The following OCEL1 variants were observed in gnomAD, a reference collection of about 807,000 sequenced individuals.
OCEL1 encodes occludin/ELL domain-containing protein 1.
In OCEL1, 24 loss-of-function variants were observed where a neutral mutation model predicts 29.4. That is an observed-to-expected ratio of 0.82 (90% confidence interval 0.59 to 1.15). The LOEUF (loss-of-function observed/expected upper bound fraction) is 1.15, where lower values mean the gene tolerates loss of function less well. OCEL1 is among the 50% of genes most tolerant of loss of function. OCEL1 has a pLI of 0.00. For missense variants in OCEL1, 402 were observed against 352.5 expected (o/e 1.14, Z -1.13); for synonymous variants, 172 against 145.3 (o/e 1.18, Z -1.32).
Position 17,228,887 on chromosome 19 carries a change from G to T in OCEL1, c.757G>T (p.Asp253Tyr). The change falls in exon 6 of 6, where the codon GAT (aspartate) becomes TAT (tyrosine). Residue 253 changes from aspartate to tyrosine, a missense_variant. Physicochemically the swap from Asp to Tyr is radical, Grantham distance 160. Transcript: ENST00000215061. ...TCTCAAGACTCAGATCCAGAAATTC[G>T]ATGACCAAGGAGACAGCGAGGGCTC... Reference protein sequence around the residue: ...RHLKTQIQKFDDQGDSEGSVY... With the variant: ...RHLKTQIQKFYDQGDSEGSVY... The T allele has an allele frequency of 6.2e-7, 1 of 1,613,660 alleles. No homozygotes were observed.
chr19:17,228,111 G>T (rs949744005), intron 4 of OCEL1, 106 bp downstream of exon 4: 9 of 1,542,340 alleles, frequency 5.8e-6, no homozygotes, highest in South Asian at 1.2e-5. Flanking sequence ...TTCTCCTCTC[G>T]GTTGGCTGGG....
Position 17,229,080 on chromosome 19 carries a change from C to T in OCEL1, c.*155C>T, listed in dbSNP as rs200134355. 231 of 807,606 alleles carry T rather than the reference C, an allele frequency of 2.9e-4. 1 individual carries two copies. The East Asian group carries it at 6.6e-3, about 23-fold the overall frequency. 50.0% of individuals were successfully genotyped at this position (807,606 alleles called of 1,614,324 possible). On this transcript the variant is annotated 3_prime_UTR_variant, in exon 6 of 6. Transcript: ENST00000215061. ...CAGTTTGGACTCAGCTCTGACAGCC[C>T]CTCCTCCAGGAAGGCCTTCCAGGAC...
chr19:17,229,183 C>T lies in OCEL1; in HGVS notation c.*258C>T. 3.0e-6 allele frequency: 1 copy of T among 338,406 alleles called. No homozygotes were observed. Among genetic ancestry groups the T allele is most frequent in the Non-Finnish European group, 5.6e-6 (1 of 178,192 alleles). The allele number at this position is 338,406 out of a possible 1,614,324, so 21.0% of individuals were successfully genotyped here. ...CTGTTCCCTGGAAGTAGGGCCTGCT[C>T]TCCATCCCAGTGAAATAAACATGTA... On this transcript the variant is annotated 3_prime_UTR_variant, in exon 6 of 6. Coordinates refer to ENST00000215061, the MANE Select transcript of OCEL1 (RefSeq NM_024578.3).
rs775473545 is a variant in OCEL1 at position 17,227,002 on chromosome 19, A to T, written c.255A>T (p.Gly85=). 1 of 1,583,498 alleles carries T rather than the reference A, an allele frequency of 6.3e-7. No homozygotes were observed. Among genetic ancestry groups the T allele is most frequent in the South Asian group, 1.2e-5 (1 of 86,806 alleles). ...CACGATTCCTGTGGCAGCTGCAGGG[A>T]CTGGCGCCCCGAGGCCTCAAAACCA... The part of the protein sequence containing the change: ...HPPGPGPPLQ[G]LAPRGLKTSA... The change falls in exon 3 of 6, where the codon GGA becomes GGT. Residue 85 remains glycine, a synonymous_variant. Transcript: ENST00000215061.
At position 17,226,537 on chromosome 19, in the gene OCEL1, G is replaced by A. The variant is rs986451904; in HGVS notation, c.70-156G>A. Reference sequence around the variant, plus strand: ...CAGTCGTGGGCGGGGTCTGGACGTCGCTGCGGACCAATCGCGTGCGTCTAT... The same window carrying A: ...CAGTCGTGGGCGGGGTCTGGACGTCACTGCGGACCAATCGCGTGCGTCTAT... On this transcript the variant is annotated intron_variant, in intron 1 of 5. Coordinates refer to ENST00000215061, the MANE Select transcript of OCEL1 (RefSeq NM_024578.3). The A allele has an allele frequency of 1.2e-5, 11 of 946,256 alleles. No individual in the cohort carries two copies. The South Asian group carries it at 1.7e-4, about 15-fold the overall frequency. 58.6% of individuals were successfully genotyped at this position (946,256 alleles called of 1,614,324 possible). A position where few individuals can be genotyped will look rare whatever the true frequency, so the allele number is the denominator to read the frequency against.
rs949411495 is a variant in OCEL1 at position 17,229,079 on chromosome 19, C to T, written c.*154C>T. 1 of 819,412 alleles carries T rather than the reference C, an allele frequency of 1.2e-6. No homozygotes were observed. Among genetic ancestry groups the T allele is most frequent in the South Asian group, 1.8e-5 (1 of 55,534 alleles). The allele number at this position is 819,412 out of a possible 1,614,324, so 50.8% of individuals were successfully genotyped here. A position where few individuals can be genotyped will look rare whatever the true frequency, so the allele number is the denominator to read the frequency against. On this transcript the variant is annotated 3_prime_UTR_variant, in exon 6 of 6. Transcript: ENST00000215061. ...TCAGTTTGGACTCAGCTCTGACAGC[C>T]CCTCCTCCAGGAAGGCCTTCCAGGA... is the stretch of plus-strand genomic sequence containing the variant.
chr19:17,228,277 C>T lies in OCEL1; in HGVS notation c.640C>T (p.Arg214Trp), dbSNP rs779250179. 24 of 1,613,914 alleles carry T rather than the reference C, an allele frequency of 1.5e-5. 1 individual carries two copies. The East Asian group carries it at 2.0e-4, about 13-fold the overall frequency. Residue 214 changes from arginine (R) to tryptophan (W), a missense_variant, in exon 5 of 6, where the codon CGG (arginine) becomes TGG (tryptophan). Physicochemically the swap from Arg to Trp is moderately radical, Grantham distance 101. Transcript: ENST00000215061. ...GCAGAAGGAGGCCCAAGTTGCAGCC[C>T]GGGTTTGGAGGGAGTTTGAGATGAA... ...QSQKEAQVAA[R>W]VWREFEMKRM... is the part of the protein sequence containing the mutation.
At chr19:17,226,386 G>A in intron 1 of OCEL1, 70 bp downstream of exon 1, 1 of 1,548,870 alleles carries the variant, frequency 6.5e-7, no homozygotes, top group Non-Finnish European at 8.8e-7. Context: ...CTCCTCGGGC[G>A]CGGTCGTCTG....
chr19:17,227,923 T>C lies in OCEL1; in HGVS notation c.536T>C (p.Leu179Pro). 6.2e-7 allele frequency: 1 copy of C among 1,613,648 alleles called. No homozygotes were observed. The highest frequency in any genetic ancestry group is 8.5e-7 in the Non-Finnish European group (1 of 1,180,008). Residue 179 changes from leucine to proline, a missense_variant, in exon 4 of 6, where the codon CTC becomes CCC. Transcript: ENST00000215061. ...GACCAGTACGGAGAGTTCTTGGAGCTCCAGCACGAGGTGGGGTGTGCACAG... is the reference window on the plus strand; with the variant it reads ...GACCAGTACGGAGAGTTCTTGGAGCCCCAGCACGAGGTGGGGTGTGCACAG... The part of the protein sequence containing the change: ...FQDQYGEFLE[L>P]QHEVGCAQAK...
chr19:17,227,390 G>A (rs1421281525), intron 3 of OCEL1, among the ~76,000 whole-genome samples, 191 bp downstream of exon 3: 1 of 151,446 alleles, frequency 6.6e-6, no homozygotes, highest in Non-Finnish European at 1.5e-5. Flanking sequence ...TCCCGTCTCC[G>A]AAAATAAATA....
intron 1 of OCEL1, 58 bp downstream of exon 1, chr19:17,226,374 A>T (rs952757296): frequency 2.5e-6 from 4 of 1,578,914 alleles, no homozygotes; most frequent in Non-Finnish European, 2.6e-6. Flanking sequence ...GGTCCCGAGG[A>T]GCTCCTCGGG....
Position 17,227,065 on chromosome 19 carries a change from C to T in OCEL1, c.318C>T (p.Pro106=), listed in dbSNP as rs1465758815. ...PRPPCQPQPG[P]HKAKTKKIVF... ...CTCCGTGCCAGCCCCAGCCGGGACC[C>T]CACAAGGCAAAGACCAAGAAGATTG... is the stretch of plus-strand genomic sequence containing the variant. Residue 106 remains proline, a synonymous_variant, in exon 3 of 6, where the codon CCC becomes CCT. Transcript: ENST00000215061. 6.2e-7 allele frequency: 1 copy of T among 1,609,384 alleles called. No individual in the cohort carries two copies. The highest frequency in any genetic ancestry group is 1.7e-5 in the Admixed American group (1 of 58,152).
intron 1 of OCEL1, 51 bp from the exon 2 acceptor site, chr19:17,226,642 C>T: frequency 1.4e-6 from 2 of 1,421,716 alleles, no homozygotes; most frequent in East Asian, 2.6e-5. Flanking sequence ...CCCGCGCGTC[C>T]TTTCTCCGTG....
intron 1 of OCEL1, 141 bp from the exon 2 acceptor site, chr19:17,226,552 C>G (rs1030139755): frequency 1.0e-6 from 1 of 1,001,040 alleles, no homozygotes; most frequent in Admixed American, 2.9e-5. Flanking sequence ...GGACCAATCG[C>G]GTGCGTCTAT....
At position 17,226,825 on chromosome 19, in the gene OCEL1, T is replaced by C; in HGVS notation, c.202T>C (p.Ser68Pro). 3 of 1,581,330 alleles carry C rather than the reference T, an allele frequency of 1.9e-6. No individual in the cohort carries two copies. Among genetic ancestry groups the C allele is most frequent in the Non-Finnish European group, 2.6e-6 (3 of 1,168,616 alleles). The change falls in exon 2 of 6, where the codon TCC becomes CCC. Residue 68 changes from serine to proline, a missense_variant. Physicochemically the swap from Ser to Pro is moderately conservative, Grantham distance 74. Transcript: ENST00000215061. ...CCGGGAGCCCCCAAAGACTCGCGGC[T>C]CCCGGGGGCACCTGCATACTCACCC... ...PTREPPKTRG[S>P]RGHLHTHPPG...
At position 17,227,111 on chromosome 19, in the gene OCEL1, T is replaced by TC. The variant is rs2073369515; in HGVS notation, c.367dup (p.Gln123ProfsTer15). 1 of 1,605,404 alleles carries TC rather than the reference T, an allele frequency of 6.2e-7. No homozygotes were observed. ...GATTGTGTTTGAGGATGAGTTGCTC[T>TC]CCCAGGCCCTCCTGGGCGCCAAGAA... is the stretch of plus-strand genomic sequence containing the variant. On this transcript the variant is annotated frameshift_variant, in exon 3 of 6. Transcript: ENST00000215061. LOFTEE classifies it high-confidence loss of function.
Position 17,226,585 on chromosome 19 carries a change from A to T in OCEL1, c.70-108A>T, listed in dbSNP as rs919734443. ...TATGCAAATAGCGGTCGTTCTGGGG[A>T]ACTCTGCTCCCGCGGGGTGAGAGTT... On this transcript the variant is annotated intron_variant, in intron 1 of 5. Coordinates refer to ENST00000215061, the MANE Select transcript of OCEL1 (RefSeq NM_024578.3). The T allele has an allele frequency of 1.5e-5, 18 of 1,226,156 alleles. No individual in the cohort carries two copies. The South Asian group carries it at 2.5e-4, about 17-fold the overall frequency. The allele number at this position is 1,226,156 out of a possible 1,614,324, so 76.0% of individuals were successfully genotyped here. A position where few individuals can be genotyped will look rare whatever the true frequency, so the allele number is the denominator to read the frequency against.
rs772947729 is a variant in OCEL1 at position 17,227,199 on chromosome 19, T to C, written c.452T>C (p.Leu151Pro). 3 of 1,486,946 alleles carry C rather than the reference T, an allele frequency of 2.0e-6. No individual in the cohort carries two copies. Among genetic ancestry groups the C allele is most frequent in the East Asian group, 2.5e-5 (1 of 39,540 alleles). 92.1% of individuals were successfully genotyped at this position (1,486,946 alleles called of 1,614,324 possible). The change falls in exon 3 of 6, where the codon CTT becomes CCT. Residue 151 changes from leucine to proline, a missense_variant and splice_region_variant. Leu to Pro is a moderately conservative substitution (Grantham distance 98). Transcript: ENST00000215061. The stretch of plus-strand genomic sequence containing the variant: ...CCCCACCCAGTGCCCGACTATGAGC[T>C]GTGAGTGTCCCCCATGTGATTCTTC... ...PRPHPVPDYE[L>P]KYPPVSSERE...
chr19:17,226,601 G>A, intron 1 of OCEL1, 92 bp from the exon 2 acceptor site: 1 of 1,311,096 alleles, frequency 7.6e-7, no homozygotes, highest in Non-Finnish European at 1.0e-6. Context: ...GCTCCCGCGG[G>A]GTGAGAGTTG....
Sources: gnomAD v4.1 joint callset for allele counts (sites outside exome capture counted in the v4.1 genomes callset) on GRCh38, gnomAD v4.1.1 for gene constraint, MANE v1.5 for transcripts, NCBI Gene and HGNC (gene_info 2026-07-23, HGNC 2026-07-21) for gene names.